TPO: variants seen among roughly 807,000 people sequenced by gnomAD.
TPO encodes thyroid peroxidase.
A neutral mutation model predicts 96.9 loss-of-function variants in TPO; 78 were observed. That is an observed-to-expected ratio of 0.81 (90% CI 0.67 to 0.97). The LOEUF (loss-of-function observed/expected upper bound fraction) is 0.97. Ranked by LOEUF, TPO falls within the 50% of genes least tolerant of loss-of-function variation. TPO has a pLI of 0.00. For missense variants in TPO, 1,252 were observed against 1,274.8 expected, an observed-to-expected ratio of 0.98 and a Z score of 0.27; for synonymous variants, 547 against 538.0, an observed-to-expected ratio of 1.02 and a Z score of -0.23.
chr2:1,380,924 A>G (rs1661800179), intron 1 of TPO, among the ~76,000 whole-genome samples: 1 of 152,168 alleles, frequency 6.6e-6, no homozygotes, highest in Non-Finnish European at 1.5e-5. Context: ...GGTGTCTCAC[A>G]TGGTGGGGGC....
rs1176368232 is a variant in TPO at position 1,511,485 on chromosome 2, A to G, written c.2519-5398A>G. Among the ~76,000 whole-genome samples, 2 of 143,568 alleles carry G rather than the reference A, an allele frequency of 1.4e-5. 1 individual carries two copies. The highest frequency in any genetic ancestry group is 4.3e-4 in the East Asian group (2 of 4,634). The allele number at this position is 143,568 out of a possible 152,430, so 94.2% of individuals were successfully genotyped here. On this transcript the variant is annotated intron_variant, in intron 14 of 16. Coordinates refer to ENST00000329066, the MANE Select transcript of TPO (RefSeq NM_001206744.2). The stretch of plus-strand genomic sequence containing the variant: ...CAGCCCTGCAGACTGGGGGTGCCAC[A>G]GCGCAGCCCTGCAGACTGGGGGTGC...
At position 1,510,321 on chromosome 2, in the gene TPO, C is replaced by T. The variant is rs962874690; in HGVS notation, c.2518+6242C>T. Among the ~76,000 whole-genome samples, 3 of 152,306 alleles carry T rather than the reference C, an allele frequency of 2.0e-5. No individual in the cohort carries two copies. The East Asian group carries it at 5.8e-4, about 29-fold the overall frequency. On this transcript the variant is annotated intron_variant, in intron 14 of 16. Coordinates refer to ENST00000329066, the MANE Select transcript of TPO (RefSeq NM_001206744.2). Reference sequence around the variant, plus strand: ...ATTCAGAACCCTGCTCAGGTGAAGGCAGTGGGGCATTTACGTCAAGACTGC... The same window carrying T: ...ATTCAGAACCCTGCTCAGGTGAAGGTAGTGGGGCATTTACGTCAAGACTGC...
At chr2:1,497,620 G>A (rs984661897) in intron 13 of TPO, among the ~76,000 whole-genome samples, 8 of 152,134 alleles carry the variant, frequency 5.3e-5, no homozygotes, top group Non-Finnish European at 1.2e-4. Flanking sequence ...GCAGGCAGGA[G>A]CAGGAATGGC....
intron 2 of TPO, among the ~76,000 whole-genome samples, chr2:1,419,937 C>T (rs893749394): frequency 6.6e-6 from 1 of 152,204 alleles, no homozygotes; most frequent in Non-Finnish European, 1.5e-5. Flanking sequence ...AAGGTTTCTT[C>T]TTCCCCTACA....
intron 14 of TPO, among the ~76,000 whole-genome samples, chr2:1,504,350 G>A (rs1160092409): frequency 6.6e-6 from 1 of 152,122 alleles, no homozygotes; most frequent in South Asian, 2.1e-4. Context: ...GCCCACAGGT[G>A]TATACCCAGC....
At chr2:1,535,155 C>G (rs1416782723) in intron 15 of TPO, among the ~76,000 whole-genome samples, 1 of 6,292 alleles carries the variant, frequency 1.6e-4, no homozygotes, top group Non-Finnish European at 3.5e-4. Context: ...AAATCCCCCC[C>G]CCCCCCATTG....
intron 1 of TPO, among the ~76,000 whole-genome samples, chr2:1,377,202 C>T (rs1464949549): frequency 2.0e-5 from 3 of 152,176 alleles, no homozygotes; most frequent in African/African-American, 7.2e-5. Flanking sequence ...TCGGGTAAAC[C>T]AGTCTTCCTG....
chr2:1,492,144 C>G (rs1358452096), intron 10 of TPO, among the ~76,000 whole-genome samples: 1 of 141,220 alleles, frequency 7.1e-6, no homozygotes, highest in Non-Finnish European at 1.5e-5. Flanking sequence ...TCTAAAAGCT[C>G]AGGATTTTTT....
At chr2:1,393,167 G>A (rs10153741) in intron 1 of TPO, among the ~76,000 whole-genome samples, 16,283 of 152,216 alleles carry the variant, frequency 0.11, 1,710 homozygotes, top group African/African-American at 0.27. Flanking sequence ...CAATTGTAGC[G>A]GAAGGCAGAG....
upstream of TPO, among the ~76,000 whole-genome samples, chr2:1,409,304 A>G (rs959176012): frequency 6.6e-6 from 1 of 152,194 alleles, no homozygotes; most frequent in Admixed American, 6.5e-5. Context: ...CTGAATTTCA[A>G]TTAACAAAAA....
intron 7 of TPO, among the ~76,000 whole-genome samples, chr2:1,459,394 C>T (rs1053017794): frequency 2.4e-4 from 36 of 152,034 alleles, no homozygotes; most frequent in African/African-American, 8.5e-4. Context: ...TTGGGATCCG[C>T]CTGCCTTGGC....
intron 1 of TPO, among the ~76,000 whole-genome samples, chr2:1,407,803 A>G (rs1425219803): frequency 6.6e-6 from 1 of 152,244 alleles, no homozygotes; most frequent in Non-Finnish European, 1.5e-5. Flanking sequence ...GGCTTACATC[A>G]AGGAAGATTC....
At chr2:1,524,607 C>T (rs1676000014) in intron 15 of TPO, among the ~76,000 whole-genome samples, 1 of 102,500 alleles carries the variant, frequency 9.8e-6, no homozygotes, top group African/African-American at 3.6e-5. Flanking sequence ...CTCAAATCCG[C>T]TCACTGTGTG....
At chr2:1,512,580 C>G in intron 14 of TPO, 1 of 727,234 alleles carries the variant, frequency 1.4e-6, no homozygotes, top group Non-Finnish European at 1.7e-6. Flanking sequence ...AGTCAGGGTC[C>G]GCCGCAGAAC....
chr2:1,524,046 C>G (rs141731791), intron 15 of TPO, among the ~76,000 whole-genome samples: 1,317 of 127,366 alleles, frequency 0.01, 9 homozygotes, highest in Middle Eastern at 0.024. Flanking sequence ...CAAATCCCCC[C>G]CATTGTGGGC....
At chr2:1,382,281 T>C (rs907653571) in intron 1 of TPO, among the ~76,000 whole-genome samples, 1 of 152,176 alleles carries the variant, frequency 6.6e-6, no homozygotes, top group African/African-American at 2.4e-5. Flanking sequence ...CAGATATTCC[T>C]GGCTGGGCAG....
intron 1 of TPO, among the ~76,000 whole-genome samples, chr2:1,394,943 G>A (rs1662058226): frequency 6.6e-6 from 1 of 152,062 alleles, no homozygotes; most frequent in African/African-American, 2.4e-5. Context: ...GGCCTCTTCT[G>A]ACCCTGAGGC....
At chr2:1,504,140 AGT>A (rs778622360) in intron 14 of TPO, 61 bp downstream of exon 14, 2 of 1,607,660 alleles carry the variant, frequency 1.2e-6, no homozygotes, top group Non-Finnish European at 1.7e-6. Context: ...AATGAAGAAA[AGT>A]GTGTTCAAGT....
chr2:1,525,026 C>CA (rs1318152794), intron 15 of TPO, among the ~76,000 whole-genome samples: 2 of 95,236 alleles, frequency 2.1e-5, no homozygotes, highest in Non-Finnish European at 4.4e-5. Flanking sequence ...TCGCCAAATC[C>CA]CCCAACTCTG....
Sources: gnomAD v4.1 joint callset for allele counts (sites outside exome capture counted in the v4.1 genomes callset) on GRCh38, gnomAD v4.1.1 for gene constraint, MANE v1.5 for transcripts, NCBI Gene and HGNC (gene_info 2026-07-23, HGNC 2026-07-21) for gene names.